The following CSMD2 variants were observed in gnomAD, a reference collection of about 807,000 sequenced individuals.
The protein encoded by CSMD2 is CUB and sushi domain-containing protein 2.
In CSMD2, 130 loss-of-function variants were observed where a neutral mutation model predicts 398.5. The observed-to-expected ratio is 0.33, with a 90% CI of 0.28 to 0.38. The LOEUF (loss-of-function observed/expected upper bound fraction) is 0.38. Among genes scored for constraint, CSMD2 ranks in the 10% least tolerant of loss-of-function variants. CSMD2 has a pLI of 1.00. For synonymous variants in CSMD2, 1,828 were observed against 1,908.5 expected, an observed-to-expected ratio of 0.96 and a Z score of 1.10; for missense variants, 3,829 against 4,764.9, an observed-to-expected ratio of 0.80 and a Z score of 5.78.
intron 3 of CSMD2, among the ~76,000 whole-genome samples, chr1:33,972,631 G>A (rs1222687193): frequency 7.2e-5 from 11 of 152,134 alleles, no homozygotes; most frequent in Admixed American, 1.3e-4. Flanking sequence ...ATCCAAGGAG[G>A]TGGCTTCTCC....
At chr1:34,128,096 C>T (rs1662933524) in intron 1 of CSMD2, among the ~76,000 whole-genome samples, 1 of 151,568 alleles carries the variant, frequency 6.6e-6, no homozygotes, top group South Asian at 2.1e-4. Flanking sequence ...GACGCCCTGA[C>T]CTCAGTTCTG....
At chr1:33,726,262 C>T (rs1646525436) in intron 16 of CSMD2, among the ~76,000 whole-genome samples, 1 of 152,096 alleles carries the variant, frequency 6.6e-6, no homozygotes, top group Non-Finnish European at 1.5e-5. Context: ...TCTATCTGCC[C>T]ACTCCCCCTC....
intron 56 of CSMD2, among the ~76,000 whole-genome samples, chr1:33,546,747 A>AT (rs1361708901): frequency 6.6e-6 from 1 of 151,152 alleles, no homozygotes; most frequent in African/African-American, 2.4e-5. Flanking sequence ...TTTTCAAAAA[A>AT]TTTTTTCCTG....
chr1:33,766,542 A>T (rs1650523582), intron 13 of CSMD2, among the ~76,000 whole-genome samples: 1 of 152,262 alleles, frequency 6.6e-6, no homozygotes, highest in South Asian at 2.1e-4. Context: ...TCATTTATAT[A>T]ATGGTGTCTA....
chr1:33,665,165 A>G (rs1010386064), intron 25 of CSMD2, among the ~76,000 whole-genome samples: 8 of 152,056 alleles, frequency 5.3e-5, no homozygotes, highest in Non-Finnish European at 1.5e-5. Context: ...CTTATATATT[A>G]TGACTTTTAT....
rs117564846 is a variant in CSMD2 at position 34,150,233 on chromosome 1, C to T, written c.187+14678G>A. Among the ~76,000 whole-genome samples, 58 of 152,018 alleles carry T rather than the reference C, an allele frequency of 3.8e-4. 1 individual carries two copies. In the East Asian group the frequency reaches 0.01, roughly 27 times the overall value. On this transcript the variant is annotated intron_variant, in intron 1 of 70. Coordinates refer to ENST00000373381, the MANE Select transcript of CSMD2 (RefSeq NM_001281956.2). ...ACTTGCTGGGACTACAGGCGTGTGC[C>T]GCCACCACACCCAGCTAATATTTTT...
At chr1:33,680,148 CTTTTTTTTTTT>C (rs34735969) in intron 25 of CSMD2, among the ~76,000 whole-genome samples, 9 of 88,536 alleles carry the variant, frequency 1.0e-4, no homozygotes, top group African/African-American at 4.2e-4. Flanking sequence ...ATGGCCTCGC[CTTTTTTTTTTT>C]TTTTTTTTTT....
In CSMD2 at chr1:33,920,997, G is replaced by T. The variant is rs114137994; in HGVS notation, c.713-2696C>A. 3.0e-3 allele frequency among the ~76,000 whole-genome samples: 458 copies of T among 152,326 alleles called. 3 individuals are homozygous for T. The highest frequency in any genetic ancestry group is 0.011 in the African/African-American group (438 of 41,564). On this transcript the variant is annotated intron_variant, in intron 4 of 70. Coordinates refer to ENST00000373381, the MANE Select transcript of CSMD2 (RefSeq NM_001281956.2). ...GCAAGGACAGTTCAAGTTGGGGAGT[G>T]TGGCATGTTTAGGGACTTATTAGGC...
In CSMD2 at chr1:33,624,474, G is replaced by C. The variant is rs760513371; in HGVS notation, c.5625+45C>G. 2 of 1,605,526 alleles carry C rather than the reference G, an allele frequency of 1.2e-6. No individual in the cohort carries two copies. The highest frequency in any genetic ancestry group is 1.3e-5 in the African/African-American group (1 of 74,976). On this transcript the variant is annotated intron_variant, in intron 35 of 70. Coordinates refer to ENST00000373381, the MANE Select transcript of CSMD2 (RefSeq NM_001281956.2). The surrounding 1 kb of genome is among the most constrained non-coding windows in gnomAD (Gnocchi z 4.7). Reference sequence around the variant, plus strand: ...TTGTCACCTGTGAGCTGTTACCTGGGAGCAGACGGCCACCTGCCCGACCGA... The same window carrying C: ...TTGTCACCTGTGAGCTGTTACCTGGCAGCAGACGGCCACCTGCCCGACCGA...
intron 58 of CSMD2, among the ~76,000 whole-genome samples, chr1:33,542,002 T>G (rs2148598286): frequency 6.6e-6 from 1 of 152,250 alleles, no homozygotes; most frequent in Non-Finnish European, 1.5e-5. Context: ...GTCATGCCTA[T>G]GTCATCATAT....
chr1:33,761,763 A>G (rs1352578740), intron 13 of CSMD2, among the ~76,000 whole-genome samples: 2 of 152,208 alleles, frequency 1.3e-5, no homozygotes, highest in Non-Finnish European at 2.9e-5. Flanking sequence ...TGAAGACTGG[A>G]AAACAATACA....
At chr1:34,137,295 A>G (rs528933747) in intron 1 of CSMD2, among the ~76,000 whole-genome samples, 1 of 33,838 alleles carries the variant, frequency 3.0e-5, no homozygotes, top group East Asian at 4.2e-4. Flanking sequence ...TGAGTATAAG[A>G]AAAAAAAAGT....
chr1:33,847,563 A>T (rs1463242592), intron 5 of CSMD2, among the ~76,000 whole-genome samples: 1 of 152,068 alleles, frequency 6.6e-6, no homozygotes, highest in African/African-American at 2.4e-5. Context: ...AATCTTACGC[A>T]CAAAGAATCG....
intron 13 of CSMD2, among the ~76,000 whole-genome samples, chr1:33,755,733 C>A (rs1488047161): frequency 6.6e-6 from 1 of 152,154 alleles, no homozygotes; most frequent in African/African-American, 2.4e-5. Flanking sequence ...TAGTCCTGAA[C>A]TCCTGGGCTA....
At chr1:33,939,989 A>G (rs891624665) in intron 3 of CSMD2, among the ~76,000 whole-genome samples, 11 of 152,266 alleles carry the variant, frequency 7.2e-5, no homozygotes, top group Admixed American at 7.2e-4. Flanking sequence ...CAGCACCACA[A>G]ACTAGGTGGC....
intron 6 of CSMD2, among the ~76,000 whole-genome samples, chr1:33,838,355 T>A (rs12062628): frequency 0.13 from 20,165 of 152,220 alleles, 2,136 homozygotes; most frequent in African/African-American, 0.3. Context: ...TGCAGATTCA[T>A]CCCCTCCAGC....
At chr1:33,581,354 T>TTAAAAAAA (rs1553146953) in intron 47 of CSMD2, among the ~76,000 whole-genome samples, 1 of 84,218 alleles carries the variant, frequency 1.2e-5, no homozygotes, top group African/African-American at 4.5e-5. Context: ...CCATCTTTAC[T>TTAAAAAAA]AAAAAAAAAA....
intron 62 of CSMD2, among the ~76,000 whole-genome samples, chr1:33,536,232 T>C (rs1655762082): frequency 6.6e-6 from 1 of 151,990 alleles, no homozygotes; most frequent in Middle Eastern, 3.2e-3. Context: ...TTTTCTCTTC[T>C]TTTTTTTCTG....
At chr1:34,005,301 C>T (rs1385647933) in intron 3 of CSMD2, among the ~76,000 whole-genome samples, 2 of 152,156 alleles carry the variant, frequency 1.3e-5, no homozygotes, top group Non-Finnish European at 2.9e-5. Context: ...TTTATGGGTG[C>T]ATCTGTGATA....
Sources: allele counts gnomAD v4.1 joint callset (sites outside exome capture counted in the v4.1 genomes callset), GRCh38; gene constraint gnomAD v4.1.1; non-coding constraint Gnocchi (gnomAD v3.1); transcripts MANE v1.5; gene names NCBI Gene and HGNC (gene_info 2026-07-23, HGNC 2026-07-21).